VWF: variants seen among roughly 807,000 people sequenced by gnomAD.
The protein encoded by VWF is Factor VIII related antigen.
VWF carries 176 observed loss-of-function variants against 308.6 expected under a neutral mutation model. The observed-to-expected ratio is 0.57, with a 90% confidence interval of 0.50 to 0.65. The LOEUF (loss-of-function observed/expected upper bound fraction) is 0.65, where lower values mean the gene tolerates loss of function less well. Ranked by LOEUF, VWF falls within the 30% of genes least tolerant of loss-of-function variation. VWF has a pLI of 0.00. For synonymous variants in VWF, 1,385 were observed against 1,443.4 expected (o/e 0.96, Z 0.92); for missense variants, 3,146 against 3,648.2 (o/e 0.86, Z 3.55).
At chr12:6,039,461 C>G (rs1250851444) in intron 18 of VWF, among the ~76,000 whole-genome samples, 4 of 152,234 alleles carry the variant, frequency 2.6e-5, no homozygotes, top group African/African-American at 9.6e-5. Flanking sequence ...TCTCCTACCC[C>G]ATCAGTACTT....
intron 37 of VWF, among the ~76,000 whole-genome samples, chr12:5,993,367 C>A (rs17491320): frequency 0.13 from 19,128 of 152,090 alleles, 1,296 homozygotes; most frequent in Non-Finnish European, 0.15. Flanking sequence ...GTGTTTATAA[C>A]TGAGAAGACT....
At chr12:5,971,814 C>T in intron 43 of VWF, 105 bp from the exon 44 acceptor site, 1 of 1,005,482 alleles carries the variant, frequency 9.9e-7, no homozygotes, top group Admixed American at 1.9e-5. Flanking sequence ...GCCAAGTGAT[C>T]ACTGGTCTGG....
chr12:6,072,413 C>G lies in VWF; in HGVS notation c.1027G>C (p.Val343Leu), dbSNP rs746575545. 6.2e-7 allele frequency: 1 copy of G among 1,613,984 alleles called. No individual in the cohort carries two copies. The highest frequency in any genetic ancestry group is 8.5e-7 in the Non-Finnish European group (1 of 1,180,022). Residue 343 changes from valine (V) to leucine (L), a missense_variant, in exon 9 of 52, where the codon GTG (valine) becomes CTG (leucine). Transcript: ENST00000261405. ...EGQLLDEGLC[V>L]ESTECPCVHS... ...ACGCAGGGACACTCGGTGCTCTCCACGCAGAGGCCTTCATCCAGGAGCTGT... is the reference window on the plus strand; with the variant it reads ...ACGCAGGGACACTCGGTGCTCTCCAGGCAGAGGCCTTCATCCAGGAGCTGT...
chr12:6,104,764 G>C (rs1945222051), intron 5 of VWF, among the ~76,000 whole-genome samples: 1 of 151,744 alleles, frequency 6.6e-6, no homozygotes, highest in Non-Finnish European at 1.5e-5. Context: ...TCTACCCAAA[G>C]GAAAAGAAAT....
At chr12:6,007,762 T>C (rs913227961) in intron 34 of VWF, among the ~76,000 whole-genome samples, 1 of 152,064 alleles carries the variant, frequency 6.6e-6, no homozygotes, top group Non-Finnish European at 1.5e-5. Flanking sequence ...AAACTTAGAA[T>C]TGGTTTTTTA....
intron 3 of VWF, among the ~76,000 whole-genome samples, chr12:6,116,224 G>C (rs541109235): frequency 6.6e-6 from 1 of 152,194 alleles, no homozygotes; most frequent in Non-Finnish European, 1.5e-5. Flanking sequence ...AAAGAGGCAA[G>C]ACAAGCCAGC....
At chr12:5,985,165 G>T in intron 39 of VWF, 46 bp from the exon 40 acceptor site, 2 of 1,574,738 alleles carry the variant, frequency 1.3e-6, no homozygotes, top group Non-Finnish European at 1.7e-6. Flanking sequence ...TTAGTGGTGG[G>T]ACAGCCTCAG....
intron 6 of VWF, among the ~76,000 whole-genome samples, chr12:6,080,771 T>G (rs532200173): frequency 6.6e-6 from 1 of 152,338 alleles, no homozygotes; most frequent in South Asian, 2.1e-4. Flanking sequence ...AAGCTCTCCT[T>G]GAGTAGGTGT....
At chr12:6,071,261 G>C (rs192139615) in intron 10 of VWF, 36 bp downstream of exon 10, 1 of 1,613,150 alleles carries the variant, frequency 6.2e-7, no homozygotes, top group Non-Finnish European at 8.5e-7. Context: ...CCCCGATTCA[G>C]GGAAGGAGGA....
chr12:6,121,337 C>G lies in VWF; in HGVS notation c.57G>C (p.Gly19=). 1 of 1,613,954 alleles carries G rather than the reference C, an allele frequency of 6.2e-7. No homozygotes were observed. The highest frequency in any genetic ancestry group is 8.5e-7 in the Non-Finnish European group (1 of 1,179,970). Residue 19 remains glycine, a splice_region_variant and synonymous_variant, in exon 3 of 52, where the codon GGG becomes GGC. Coordinates refer to ENST00000261405, the MANE Select transcript of VWF (RefSeq NM_000552.5). ...VLLALALILP[G]TLCAEGTRGR... is the part of the protein sequence containing the mutation. ...CGCGAGTTCCTTCTGCACAAAGGGT[C>G]CCTGGAGGGAGAGGCCACAGGTTGG...
chr12:6,052,120 G>C (rs536466485), intron 16 of VWF, among the ~76,000 whole-genome samples: 112 of 152,338 alleles, frequency 7.4e-4, no homozygotes, highest in African/African-American at 2.2e-3. Context: ...AAGCAGGTCA[G>C]GGTAGCAATG....
intron 5 of VWF, among the ~76,000 whole-genome samples, chr12:6,097,159 C>T (rs1350156442): frequency 6.6e-6 from 1 of 152,008 alleles, no homozygotes; most frequent in African/African-American, 2.4e-5. Context: ...GGGTAGAGGC[C>T]GGGCACGGTG....
chr12:6,032,805 T>C (rs528061330), intron 20 of VWF, among the ~76,000 whole-genome samples: 1 of 151,462 alleles, frequency 6.6e-6, no homozygotes, highest in South Asian at 2.1e-4. Flanking sequence ...CATACATCTA[T>C]GTACTCATAC....
intron 18 of VWF, among the ~76,000 whole-genome samples, chr12:6,040,553 G>T (rs2136436242): frequency 1.3e-5 from 2 of 152,264 alleles, no homozygotes; most frequent in East Asian, 3.9e-4. Flanking sequence ...TTACAGATAA[G>T]AAAATTAAGA....
chr12:5,986,453 T>C (rs1374576636), intron 38 of VWF, among the ~76,000 whole-genome samples: 2 of 152,186 alleles, frequency 1.3e-5, no homozygotes. Context: ...AAAATTAAAT[T>C]CAAGTGAAAT....
chr12:6,117,407 T>C (rs757013946), intron 3 of VWF, among the ~76,000 whole-genome samples: 2 of 152,172 alleles, frequency 1.3e-5, no homozygotes, highest in Admixed American at 1.3e-4. Flanking sequence ...CCTGACCTCG[T>C]GGAAATGCCT....
chr12:6,050,955 C>CA (rs375016497), intron 16 of VWF, among the ~76,000 whole-genome samples: 39,836 of 131,968 alleles, frequency 0.3, 5,747 homozygotes, highest in Non-Finnish European at 0.34. Flanking sequence ...AATTCAGTCT[C>CA]AAAAAAAAAA....
At chr12:6,101,919 A>G (rs1370482534) in intron 5 of VWF, among the ~76,000 whole-genome samples, 1 of 152,242 alleles carries the variant, frequency 6.6e-6, no homozygotes, top group Non-Finnish European at 1.5e-5. Context: ...TCATGCCTGT[A>G]ATCCCAGCAC....
At position 6,092,515 on chromosome 12, in the gene VWF, T is replaced by TTGTGTG. The variant is rs66551998; in HGVS notation, c.657+2944_657+2945insCACACA. On this transcript the variant is annotated intron_variant, in intron 6 of 51. Coordinates refer to ENST00000261405, the MANE Select transcript of VWF (RefSeq NM_000552.5). ...ACCACCATGCCCAGCTAGTATGTGT[T>TTGTGTG]TGTCTGTGTGTGTGTGTGTGCACGC... Among the ~76,000 whole-genome samples, 28 of 131,922 alleles carry TTGTGTG rather than the reference T, an allele frequency of 2.1e-4. No individual in the cohort carries two copies. In the East Asian group the frequency reaches 4.2e-3, roughly 20 times the overall value. The allele number at this position is 131,922 out of a possible 152,430, so 86.5% of individuals were successfully genotyped here.
Sources: allele counts gnomAD v4.1 joint callset (sites outside exome capture counted in the v4.1 genomes callset), GRCh38; gene constraint gnomAD v4.1.1; transcripts MANE v1.5; gene names NCBI Gene and HGNC (gene_info 2026-07-23, HGNC 2026-07-21).